CACNA2D3: variants seen among roughly 807,000 people sequenced by gnomAD.
CACNA2D3 encodes voltage-dependent calcium channel subunit alpha-2/delta-3.
Under a neutral mutation model 160.6 loss-of-function variants are expected in CACNA2D3, and 60 were observed. That is an observed-to-expected ratio of 0.37 (90% CI 0.30 to 0.46). The LOEUF (loss-of-function observed/expected upper bound fraction) is 0.46. Among genes scored for constraint, CACNA2D3 ranks in the 20% least tolerant of loss-of-function variants. CACNA2D3 has a pLI of 1.00. For missense variants in CACNA2D3, 1,205 were observed against 1,365.0 expected (o/e 0.88, Z 1.85); for synonymous variants, 558 against 492.9 (o/e 1.13, Z -1.75).
intron 21 of CACNA2D3, among the ~76,000 whole-genome samples, chr3:54,884,788 G>C (rs568628983): frequency 5.1e-4 from 78 of 152,140 alleles, no homozygotes; most frequent in Non-Finnish European, 8.4e-4. Context: ...ACTTCATATT[G>C]TTCAACCTAT....
intron 14 of CACNA2D3, among the ~76,000 whole-genome samples, chr3:54,822,860 C>CT (rs1354680914): frequency 1.7e-5 from 2 of 119,042 alleles, no homozygotes; most frequent in Non-Finnish European, 3.6e-5. Context: ...TTCTTTCTTT[C>CT]TTTTTAAATT....
chr3:54,131,214 G>T (rs987225124), intron 2 of CACNA2D3, among the ~76,000 whole-genome samples: 9 of 152,214 alleles, frequency 5.9e-5, no homozygotes, highest in Non-Finnish European at 1.3e-4. Flanking sequence ...GCCAGGCATT[G>T]GCATGTAGGC....
At chr3:54,656,813 C>T (rs1298169443) in intron 11 of CACNA2D3, among the ~76,000 whole-genome samples, 3 of 152,232 alleles carry the variant, frequency 2.0e-5, no homozygotes, top group African/African-American at 7.2e-5. Context: ...CCCCCTTCCC[C>T]AGTTAGAATT....
intron 3 of CACNA2D3, among the ~76,000 whole-genome samples, chr3:54,385,561 T>C (rs1699173951): frequency 6.6e-6 from 1 of 152,206 alleles, no homozygotes; most frequent in African/African-American, 2.4e-5. Context: ...TGGGCAGCAC[T>C]GTCTCTGGCT....
At chr3:54,761,052 A>G (rs983951697) in intron 12 of CACNA2D3, among the ~76,000 whole-genome samples, 3 of 151,548 alleles carry the variant, frequency 2.0e-5, no homozygotes, top group African/African-American at 7.2e-5. Context: ...TTCCAAATGT[A>G]TGATTGTTTT....
chr3:55,052,000 T>C (rs1334124530), intron 35 of CACNA2D3, among the ~76,000 whole-genome samples: 1 of 152,156 alleles, frequency 6.6e-6, no homozygotes, highest in Middle Eastern at 3.2e-3. Context: ...CTGCGCCCAC[T>C]GTCTGGCACT....
intron 13 of CACNA2D3, among the ~76,000 whole-genome samples, chr3:54,805,614 A>T (rs991128764): frequency 6.6e-6 from 1 of 152,202 alleles, no homozygotes. Flanking sequence ...GCCGAATTCT[A>T]CCAGAGGTAC....
intron 12 of CACNA2D3, among the ~76,000 whole-genome samples, 175 bp from the exon 13 acceptor site, chr3:54,764,043 T>C (rs1447646312): frequency 6.6e-6 from 1 of 150,736 alleles, no homozygotes; most frequent in Non-Finnish European, 1.5e-5. Context: ...ACTCATAAAG[T>C]GGGTGATCGG....
intron 27 of CACNA2D3, chr3:54,925,338 A>C (rs1700984620): frequency 2.6e-6 from 2 of 759,076 alleles, no homozygotes; most frequent in Non-Finnish European, 2.1e-6. Context: ...TACAACCTGC[A>C]AGAGAGGTTC....
intron 18 of CACNA2D3, chr3:54,875,199 A>G (rs1237785569): frequency 1.3e-5 from 2 of 152,064 alleles, no homozygotes; most frequent in African/African-American, 4.8e-5. Context: ...TCTCCAGCTC[A>G]TGCTTGAGCT....
At chr3:54,262,374 G>C (rs748472813) in intron 2 of CACNA2D3, among the ~76,000 whole-genome samples, 1 of 152,114 alleles carries the variant, frequency 6.6e-6, no homozygotes, top group Non-Finnish European at 1.5e-5. Flanking sequence ...GTGGAAAGAT[G>C]AAAGAAAACA....
At chr3:54,496,190 A>G (rs1315741557) in intron 4 of CACNA2D3, among the ~76,000 whole-genome samples, 1 of 152,226 alleles carries the variant, frequency 6.6e-6, no homozygotes, top group East Asian at 1.9e-4. Flanking sequence ...GCTGGGTCAT[A>G]TGGTAGATAT....
At chr3:54,532,451 A>T (rs1312035101) in intron 5 of CACNA2D3, among the ~76,000 whole-genome samples, 1 of 152,180 alleles carries the variant, frequency 6.6e-6, no homozygotes, top group Non-Finnish European at 1.5e-5. Flanking sequence ...GGAATTTCTC[A>T]TCCCTCACCC....
At chr3:54,193,117 C>T (rs962923415) in intron 2 of CACNA2D3, among the ~76,000 whole-genome samples, 2 of 152,148 alleles carry the variant, frequency 1.3e-5, no homozygotes, top group African/African-American at 2.4e-5. Context: ...CTTTTGTTAT[C>T]GAACCCCTTT....
At chr3:54,247,269 A>G (rs948100739) in intron 2 of CACNA2D3, among the ~76,000 whole-genome samples, 2 of 152,014 alleles carry the variant, frequency 1.3e-5, no homozygotes, top group African/African-American at 4.8e-5. Flanking sequence ...AGCCAAAATC[A>G]TACCATTGCA....
chr3:54,885,559 C>T lies in CACNA2D3; in HGVS notation c.2029C>T (p.Leu677=), dbSNP rs1284999099. The stretch of plus-strand genomic sequence containing the variant: ...TCAGTTAGAAGCGATTAAGCTCTAC[C>T]TAAAAGGCAAAGAACCTCTGCTCCA... ...LSQLEAIKLY[L]KGKEPLLQCD... is the part of the protein sequence containing the mutation. The change falls in exon 23 of 38, where the codon CTA becomes TTA. Residue 677 remains leucine, a synonymous_variant. Coordinates refer to ENST00000474759, the MANE Select transcript of CACNA2D3 (RefSeq NM_018398.3). 1 of 1,613,322 alleles carries T rather than the reference C, an allele frequency of 6.2e-7. No individual in the cohort carries two copies. The highest frequency in any genetic ancestry group is 8.5e-7 in the Non-Finnish European group (1 of 1,179,598).
intron 11 of CACNA2D3, among the ~76,000 whole-genome samples, chr3:54,735,312 C>G (rs996096964): frequency 6.6e-6 from 1 of 152,144 alleles, no homozygotes; most frequent in African/African-American, 2.4e-5. Flanking sequence ...AAGCTCTGCC[C>G]CCATATCTCA....
chr3:54,429,196 A>G (rs1699952025), intron 4 of CACNA2D3, among the ~76,000 whole-genome samples: 1 of 152,204 alleles, frequency 6.6e-6, no homozygotes, highest in East Asian at 1.9e-4. Flanking sequence ...CCCCCAGAGC[A>G]TGGCTAATAT....
intron 35 of CACNA2D3, among the ~76,000 whole-genome samples, chr3:55,072,392 C>G (rs898698659): frequency 6.6e-6 from 1 of 152,128 alleles, no homozygotes; most frequent in African/African-American, 2.4e-5. Context: ...AGGGGGAGTC[C>G]CTTTCCCTTC....
Sources: allele counts gnomAD v4.1 joint callset (sites outside exome capture counted in the v4.1 genomes callset), GRCh38; gene constraint gnomAD v4.1.1; transcripts MANE v1.5; gene names NCBI Gene and HGNC (gene_info 2026-07-23, HGNC 2026-07-21).